Variants in PTBP3 observed in about 807,000 individuals in gnomAD.
PTBP3 encodes polypyrimidine tract binding protein 3.
Under a neutral mutation model 58.7 loss-of-function variants are expected in PTBP3, and 20 were observed. The ratio of observed to expected loss-of-function variants is 0.34; its 90% CI spans 0.24 to 0.50. The LOEUF (loss-of-function observed/expected upper bound fraction) is 0.50. Ranked by LOEUF, PTBP3 falls within the 20% of genes least tolerant of loss-of-function variation. The pLI, the probability that PTBP3 is intolerant of heterozygous loss-of-function variation, is 0.98. For missense variants in PTBP3, 509 were observed against 637.2 expected, an observed-to-expected ratio of 0.80 and a Z score of 2.17; for synonymous variants, 185 against 219.8, an observed-to-expected ratio of 0.84 and a Z score of 1.40.
At chr9:112,376,433 T>C in the PTBP3 span, among the ~76,000 whole-genome samples, 39 of 151,804 alleles carry the variant, frequency 2.6e-4, no homozygotes, top group East Asian at 7.6e-3. Context: ...TTTGTATTTT[T>C]AGTAGAGATG....
the PTBP3 span, among the ~76,000 whole-genome samples, chr9:112,352,696 A>AT: frequency 6.6e-6 from 1 of 152,150 alleles, no homozygotes; most frequent in Non-Finnish European, 1.5e-5. Flanking sequence ...CGGAGTGACT[A>AT]TTTGGAGGAA....
In PTBP3 at chr9:112,222,515, A is replaced by T; in HGVS notation, c.*1336T>A. 2.0e-6 allele frequency: 2 copies of T among 985,678 alleles called. No individual in the cohort carries two copies. Among genetic ancestry groups the T allele is most frequent in the African/African-American group, 3.5e-5 (2 of 57,362 alleles). 61.1% of individuals were successfully genotyped at this position (985,678 alleles called of 1,614,324 possible). On this transcript the variant is annotated 3_prime_UTR_variant, in exon 14 of 14. Transcript: ENST00000374257. ...GATTGCACTCTACAGCCCCAAATTG[A>T]TATGCAATAACCCCTATCAGTCACA...
chr9:112,222,516 T>TA lies in PTBP3; in HGVS notation c.*1334dup. 6.1e-6 allele frequency: 6 copies of TA among 985,630 alleles called. No individual in the cohort carries two copies. The highest frequency in any genetic ancestry group is 7.2e-6 in the Non-Finnish European group (6 of 829,898). 61.1% of individuals were successfully genotyped at this position (985,630 alleles called of 1,614,324 possible). A position where few individuals can be genotyped will look rare whatever the true frequency, so the allele number is the denominator to read the frequency against. Reference sequence around the variant, plus strand: ...ATTGCACTCTACAGCCCCAAATTGATATGCAATAACCCCTATCAGTCACAA... The same window carrying TA: ...ATTGCACTCTACAGCCCCAAATTGATAATGCAATAACCCCTATCAGTCACAA... On this transcript the variant is annotated 3_prime_UTR_variant, in exon 14 of 14. Coordinates refer to ENST00000374257, the MANE Select transcript of PTBP3 (RefSeq NM_001163788.4).
chr9:112,299,268 C>T (rs1331953003), intron 1 of PTBP3, among the ~76,000 whole-genome samples: 1 of 152,098 alleles, frequency 6.6e-6, no homozygotes, highest in Admixed American at 6.5e-5. Context: ...AAGTTAGAAA[C>T]CACTTGAAGG....
At chr9:112,344,383 A>G in the PTBP3 span, among the ~76,000 whole-genome samples, 1 of 152,182 alleles carries the variant, frequency 6.6e-6, no homozygotes, top group Non-Finnish European at 1.5e-5. Context: ...AGAATCCATT[A>G]GTTATCACAA....
chr9:112,310,841 G>A (rs1587872855), intron 1 of PTBP3, among the ~76,000 whole-genome samples: 1 of 152,192 alleles, frequency 6.6e-6, no homozygotes, highest in Non-Finnish European at 1.5e-5. Flanking sequence ...ATATCTGAGG[G>A]AAGAATGTTG....
chr9:112,243,140 A>AAC (rs1485573116), intron 7 of PTBP3, among the ~76,000 whole-genome samples: 3 of 151,852 alleles, frequency 2.0e-5, no homozygotes, highest in South Asian at 4.2e-4. Context: ...TTAAAAAAAA[A>AAC]AAAAAAACAG....
At chr9:112,273,081 A>C (rs751481291) in intron 3 of PTBP3, among the ~76,000 whole-genome samples, 1 of 152,244 alleles carries the variant, frequency 6.6e-6, no homozygotes, top group Non-Finnish European at 1.5e-5. Context: ...AAATGTAACA[A>C]GTGAACCAAT....
At chr9:112,278,098 T>G (rs915762106) in intron 2 of PTBP3, among the ~76,000 whole-genome samples, 2 of 152,190 alleles carry the variant, frequency 1.3e-5, no homozygotes, top group Non-Finnish European at 1.5e-5. Context: ...TCACTTACAC[T>G]GCCTCATTTG....
intron 5 of PTBP3, among the ~76,000 whole-genome samples, chr9:112,256,280 T>TAC (rs58148603): frequency 0.15 from 8,284 of 56,022 alleles, 387 homozygotes; most frequent in South Asian, 0.23. Flanking sequence ...AAAATATATA[T>TAC]ATATATATAT....
At chr9:112,252,971 C>T (rs958027550) in intron 5 of PTBP3, among the ~76,000 whole-genome samples, 183 bp from the exon 6 acceptor site, 3 of 152,042 alleles carry the variant, frequency 2.0e-5, no homozygotes, top group African/African-American at 4.8e-5. Context: ...ACAACAACGC[C>T]CGGTACACAA....
intron 2 of PTBP3, among the ~76,000 whole-genome samples, chr9:112,291,974 G>C (rs886891946): frequency 6.6e-6 from 1 of 152,108 alleles, no homozygotes; most frequent in African/African-American, 2.4e-5. Flanking sequence ...CGTGATGGGG[G>C]TTAATAATCA....
rs140437338 is a variant in PTBP3, at chr9:112,304,504, T to A, written c.-51-6588A>T. 3.3e-5 allele frequency among the ~76,000 whole-genome samples: 5 copies of A among 152,372 alleles called. No homozygotes were observed. The East Asian group carries it at 9.6e-4, about 29-fold the overall frequency. On this transcript the variant is annotated intron_variant, in intron 1 of 13. Transcript: ENST00000374257. ...ATTTTACAAAGTTATAATATGAATC[T>A]ATGCTCCGCTCTATTATCCTTTTAA...
At chr9:112,308,553 C>T (rs971026276) in intron 1 of PTBP3, among the ~76,000 whole-genome samples, 11 of 151,638 alleles carry the variant, frequency 7.3e-5, no homozygotes, top group African/African-American at 2.2e-4. Flanking sequence ...TAACAGATTA[C>T]GGTTTAAGGG....
At chr9:112,345,206 A>G in the PTBP3 span, among the ~76,000 whole-genome samples, 3 of 151,790 alleles carry the variant, frequency 2.0e-5, no homozygotes, top group Admixed American at 2.0e-4. Context: ...TGGCACACAC[A>G]TGTAGTCCCA....
intron 1 of PTBP3, among the ~76,000 whole-genome samples, chr9:112,333,189 C>T (rs1383859172): frequency 6.6e-6 from 1 of 152,162 alleles, no homozygotes; most frequent in Non-Finnish European, 1.5e-5. Flanking sequence ...GCGGCCGGAC[C>T]GGGCTTTCCT....
In PTBP3 at chr9:112,237,958, T is replaced by C. The variant is rs12005796; in HGVS notation, c.803-3061A>G. On this transcript the variant is annotated intron_variant, in intron 7 of 13. Transcript: ENST00000374257. The stretch of plus-strand genomic sequence containing the variant: ...GGAAGTCCAAAGGAAAATCAAGCTA[T>C]AAATTTAGGTTGAAATGATCCTGAA... 6.0e-3 allele frequency among the ~76,000 whole-genome samples: 914 copies of C among 152,226 alleles called. 9 individuals are homozygous for C. The highest frequency in any genetic ancestry group is 0.021 in the African/African-American group (867 of 41,532).
intron 12 of PTBP3, among the ~76,000 whole-genome samples, chr9:112,225,055 A>G (rs1589791874): frequency 6.6e-6 from 1 of 152,210 alleles, no homozygotes; most frequent in African/African-American, 2.4e-5. Flanking sequence ...TCACAGTAAC[A>G]ATATGAGATA....
upstream of PTBP3, among the ~76,000 whole-genome samples, chr9:112,337,099 A>AC (rs1163833814): frequency 6.6e-6 from 1 of 152,146 alleles, no homozygotes; most frequent in Non-Finnish European, 1.5e-5. Flanking sequence ...GCGCGATCTC[A>AC]GCTCACTGCA....
Sources: gnomAD v4.1 joint callset for allele counts (sites outside exome capture counted in the v4.1 genomes callset) on GRCh38, gnomAD v4.1.1 for gene constraint, MANE v1.5 for transcripts, NCBI Gene and HGNC (gene_info 2026-07-23, HGNC 2026-07-21) for gene names.